The following CTPS1 variants were observed in gnomAD, a reference collection of about 807,000 sequenced individuals.
CTPS1 encodes CTP synthetase 1.
A neutral mutation model predicts 80.5 loss-of-function variants in CTPS1; 25 were observed. That is an observed-to-expected ratio of 0.31 (90% confidence interval 0.23 to 0.43). CTPS1 has a LOEUF of 0.43. CTPS1 is among the 20% of genes least tolerant of loss of function. The probability of loss-of-function intolerance (pLI) is 1.00; values close to 1 mark genes in which losing one functional copy is unlikely to be tolerated. For synonymous variants in CTPS1, 267 were observed against 252.5 expected, an observed-to-expected ratio of 1.06 and a Z score of -0.54; for missense variants, 442 against 725.7, an observed-to-expected ratio of 0.61 and a Z score of 4.49.
At chr1:41,006,679 C>G (rs1200970293) in intron 13 of CTPS1, among the ~76,000 whole-genome samples, 1 of 152,154 alleles carries the variant, frequency 6.6e-6, no homozygotes, top group East Asian at 1.9e-4. Flanking sequence ...AATTCCCAGC[C>G]CAGGGTGACA....
chr1:40,988,845 G>C, intron 5 of CTPS1, 135 bp downstream of exon 5: 3 of 631,266 alleles, frequency 4.8e-6, no homozygotes, highest in South Asian at 2.0e-5. Context: ...AACTTTGTAA[G>C]TTTAAATTTG....
intron 17 of CTPS1, among the ~76,000 whole-genome samples, 177 bp from the exon 18 acceptor site, chr1:41,009,984 T>C (rs1035444001): frequency 2.0e-5 from 3 of 152,260 alleles, no homozygotes; most frequent in African/African-American, 7.2e-5. Context: ...ATATCTTTTG[T>C]AGCTAGAAGA....
Position 41,009,581 on chromosome 1 carries a change from C to T in CTPS1, c.1683C>T (p.Leu561=). 1 of 1,614,134 alleles carries T rather than the reference C, an allele frequency of 6.2e-7. No homozygotes were observed. The highest frequency in any genetic ancestry group is 8.5e-7 in the Non-Finnish European group (1 of 1,180,028). Residue 561 remains leucine (L), a synonymous_variant, in exon 17 of 19, where the codon CTC becomes CTT. Coordinates refer to ENST00000650070, the MANE Select transcript of CTPS1 (RefSeq NM_001905.4). Reference sequence around the variant, plus strand: ...ATTACCTCCAGAAAGGCTGCAGGCTCTCACCCAGGTAGGCGCACTCTTTGC... The same window carrying T: ...ATTACCTCCAGAAAGGCTGCAGGCTTTCACCCAGGTAGGCGCACTCTTTGC... ...LSHYLQKGCR[L]SPRDTYSDRS...
At chr1:40,991,134 A>G (rs773267175) in intron 5 of CTPS1, 31 bp from the exon 6 acceptor site, 1 of 1,417,582 alleles carries the variant, frequency 7.1e-7, no homozygotes, top group Non-Finnish European at 9.7e-7. Context: ...GAGGGAAACT[A>G]ACTTTTTTTT....
intron 13 of CTPS1, among the ~76,000 whole-genome samples, chr1:41,006,531 C>T (rs1446915922): frequency 1.3e-5 from 2 of 152,198 alleles, no homozygotes; most frequent in Non-Finnish European, 2.9e-5. Flanking sequence ...GGTTGGAGCA[C>T]TGGTTGGCTT....
chr1:40,980,486 A>G (rs929479396), intron 1 of CTPS1: 3 of 152,038 alleles, frequency 2.0e-5, no homozygotes, highest in East Asian at 3.9e-4. Flanking sequence ...CCTTCCGTCC[A>G]CGCTCGTTAC....
At chr1:40,988,366 A>C (rs1445765168) in intron 4 of CTPS1, 2 of 383,462 alleles carry the variant, frequency 5.2e-6, no homozygotes, top group South Asian at 6.4e-5. Flanking sequence ...AATGATGTGG[A>C]AAGTTCCATA....
chr1:40,984,790 T>G, intron 2 of CTPS1, 31 bp from the exon 3 acceptor site: 2 of 1,451,212 alleles, frequency 1.4e-6, no homozygotes, highest in South Asian at 3.1e-5. Context: ...TATTTTTCAC[T>G]TAACGTAAAT....
intron 7 of CTPS1, 133 bp downstream of exon 7, chr1:40,991,978 C>A (rs950097191): frequency 1.5e-6 from 1 of 683,472 alleles, no homozygotes; most frequent in Non-Finnish European, 2.6e-6. Context: ...CCATTGCCAT[C>A]GGCCATTCCC....
chr1:40,985,232 A>C (rs538430419), intron 3 of CTPS1, among the ~76,000 whole-genome samples: 2 of 152,264 alleles, frequency 1.3e-5, no homozygotes, highest in Admixed American at 6.5e-5. Flanking sequence ...AAGCTTGTCA[A>C]TTCTGCTAAG....
rs772720601 is a variant in CTPS1 at position 41,008,901 on chromosome 1, G to A, written c.1546+11G>A. 3.7e-6 allele frequency: 6 copies of A among 1,605,056 alleles called. No homozygotes were observed. Among genetic ancestry groups the A allele is most frequent in the Non-Finnish European group, 4.3e-6 (5 of 1,171,864 alleles). On this transcript the variant is annotated intron_variant, in intron 16 of 18. Coordinates refer to ENST00000650070, the MANE Select transcript of CTPS1 (RefSeq NM_001905.4). Reference sequence around the variant, plus strand: ...TTGTGGAGTTAGAAGGTGATTATTCGGGCAGTTTTATTTAATGGAAAACTT... The same window carrying A: ...TTGTGGAGTTAGAAGGTGATTATTCAGGCAGTTTTATTTAATGGAAAACTT...
intron 8 of CTPS1, among the ~76,000 whole-genome samples, chr1:40,996,719 T>G (rs1642761495): frequency 6.6e-6 from 1 of 152,226 alleles, no homozygotes; most frequent in Non-Finnish European, 1.5e-5. Flanking sequence ...TTTCAGTCTT[T>G]GTCTGCTTAC....
chr1:40,996,125 G>A, intron 8 of CTPS1, 57 bp downstream of exon 8: 1 of 1,594,758 alleles, frequency 6.3e-7, no homozygotes, highest in Middle Eastern at 1.7e-4. Flanking sequence ...TTGTAGGGCT[G>A]GTGAAGCCGA....
intron 7 of CTPS1, among the ~76,000 whole-genome samples, chr1:40,993,822 A>C (rs79125426): frequency 0.013 from 1,482 of 116,246 alleles, 33 homozygotes; most frequent in African/African-American, 0.046. Flanking sequence ...TCTGTTGCTC[A>C]GACTGTAGTG....
chr1:40,981,821 C>G (rs907709526), intron 1 of CTPS1: 3 of 319,708 alleles, frequency 9.4e-6, no homozygotes, highest in African/African-American at 4.7e-5. Context: ...GGGAAGACTT[C>G]TGAGCATTCT....
intron 3 of CTPS1, 73 bp downstream of exon 3, chr1:40,985,064 A>G: frequency 9.4e-7 from 1 of 1,063,596 alleles, no homozygotes. Context: ...ACCTCTACAC[A>G]GATGTGTAAT....
At chr1:41,006,782 A>G (rs980707376) in intron 13 of CTPS1, among the ~76,000 whole-genome samples, 1 of 152,230 alleles carries the variant, frequency 6.6e-6, no homozygotes, top group Admixed American at 6.5e-5. Flanking sequence ...GTCACTGAGG[A>G]CACCGTGCTA....
rs191852761 is a variant in CTPS1, at chr1:40,988,472, G to T, written c.439-122G>T. Reference sequence around the variant, plus strand: ...TAACTGTTAACTAACATTATACAGGGTTAGAGAGTCCGTGTTACATAATTA... The same window carrying T: ...TAACTGTTAACTAACATTATACAGGTTTAGAGAGTCCGTGTTACATAATTA... On this transcript the variant is annotated intron_variant, in intron 4 of 18. Coordinates refer to ENST00000650070, the MANE Select transcript of CTPS1 (RefSeq NM_001905.4). The T allele has an allele frequency of 1.5e-3, 1,036 of 702,342 alleles. 11 individuals carry two copies. Among genetic ancestry groups the T allele is most frequent in the South Asian group, 9.0e-3 (535 of 59,656 alleles). 43.5% of individuals were successfully genotyped at this position (702,342 alleles called of 1,614,324 possible).
chr1:40,990,078 C>T (rs6600363), intron 5 of CTPS1, among the ~76,000 whole-genome samples: 1 of 152,140 alleles, frequency 6.6e-6, no homozygotes, highest in East Asian at 1.9e-4. Context: ...AACCTACCCC[C>T]CCGTATTTGG....
Sources: gnomAD v4.1 joint callset for allele counts (sites outside exome capture counted in the v4.1 genomes callset) on GRCh38, gnomAD v4.1.1 for gene constraint, MANE v1.5 for transcripts, NCBI Gene and HGNC (gene_info 2026-07-23, HGNC 2026-07-21) for gene names.